SLIT3: variants seen among roughly 807,000 people sequenced by gnomAD.
SLIT3 encodes slit homolog 3 protein.
A neutral mutation model predicts 184.0 loss-of-function variants in SLIT3; 68 were observed. That is an observed-to-expected ratio of 0.37 (90% CI 0.30 to 0.45). The LOEUF (loss-of-function observed/expected upper bound fraction) is 0.45, where lower values mean the gene tolerates loss of function less well. SLIT3 is among the 20% of genes least tolerant of loss of function. The pLI, the probability that SLIT3 is intolerant of heterozygous loss-of-function variation, is 1.00. For synonymous variants in SLIT3, 831 were observed against 828.6 expected (o/e 1.00, Z -0.05); for missense variants, 1,707 against 2,026.0 (o/e 0.84, Z 3.02).
chr5:169,207,603 C>T (rs1010923247), intron 3 of SLIT3, among the ~76,000 whole-genome samples: 2 of 152,192 alleles, frequency 1.3e-5, no homozygotes, highest in African/African-American at 4.8e-5. Flanking sequence ...TCAAACTCAG[C>T]TTAGGCTTAA....
chr5:169,004,129 C>T (rs538838210), intron 4 of SLIT3, among the ~76,000 whole-genome samples: 18 of 152,016 alleles, frequency 1.2e-4, no homozygotes, highest in Middle Eastern at 3.4e-3. Flanking sequence ...ATTGAAAGGA[C>T]TTTTGGCTAG....
At chr5:169,003,757 G>T (rs1755806965) in intron 4 of SLIT3, among the ~76,000 whole-genome samples, 1 of 152,212 alleles carries the variant, frequency 6.6e-6, no homozygotes, top group Non-Finnish European at 1.5e-5. Context: ...CTTCTTGCCA[G>T]ATATAACAAG....
In SLIT3 at chr5:169,194,872, C is replaced by T. The variant is rs1763689491; in HGVS notation, c.342-1322G>A. ...ATCATTATGATCTCCATGAAGGCTG[C>T]TTTCTTCGGAGCACTGGGCCAAGAG... On this transcript the variant is annotated intron_variant, in intron 3 of 35. Coordinates refer to ENST00000519560, the MANE Select transcript of SLIT3 (RefSeq NM_003062.4). 2.6e-5 allele frequency among the ~76,000 whole-genome samples: 4 copies of T among 152,184 alleles called. No individual in the cohort carries two copies. The South Asian group carries it at 8.3e-4, about 31-fold the overall frequency.
intron 4 of SLIT3, among the ~76,000 whole-genome samples, chr5:169,031,958 A>T (rs1048964514): frequency 1.3e-5 from 2 of 152,212 alleles, no homozygotes; most frequent in African/African-American, 4.8e-5. Context: ...GACAAGACTT[A>T]GAAGAGTAAG....
At chr5:168,931,618 G>T (rs1356131227) in intron 4 of SLIT3, among the ~76,000 whole-genome samples, 1 of 152,208 alleles carries the variant, frequency 6.6e-6, no homozygotes, top group African/African-American at 2.4e-5. Context: ...ACGATGAGGG[G>T]ATAGGACCTA....
chr5:168,806,494 T>A lies in SLIT3; in HGVS notation c.887A>T (p.Lys296Met). Residue 296 changes from lysine (K) to methionine (M), a missense_variant, in exon 9 of 36, where the codon AAG becomes ATG. By Grantham distance (95) the Lys-to-Met change is moderately conservative. Around this residue, in one of 3 missense-constraint regions of SLIT3, gnomAD observed 1,307 missense variants for 1,511.6 expected, o/e 0.86. Coordinates refer to ENST00000519560, the MANE Select transcript of SLIT3 (RefSeq NM_003062.4). Reference protein sequence around the residue: ...CSNNIVDCRGKGLMEIPANLP... With the variant: ...CSNNIVDCRGMGLMEIPANLP... The stretch of plus-strand genomic sequence containing the variant: ...GTTGGCAGGAATCTCCATCAAGCCC[T>A]TTCCTCGACAGTCCACGATGTTATT... 1.9e-6 allele frequency: 3 copies of A among 1,614,172 alleles called. No individual in the cohort carries two copies. The highest frequency in any genetic ancestry group is 2.5e-6 in the Non-Finnish European group (3 of 1,180,018).
At chr5:169,207,713 T>C (rs951376508) in intron 3 of SLIT3, among the ~76,000 whole-genome samples, 3 of 152,228 alleles carry the variant, frequency 2.0e-5, no homozygotes, top group Non-Finnish European at 4.4e-5. Flanking sequence ...CAAATGTTTC[T>C]GTCCTTCCCC....
chr5:168,989,077 A>G (rs1363421383), intron 4 of SLIT3, among the ~76,000 whole-genome samples: 2 of 152,248 alleles, frequency 1.3e-5, no homozygotes, highest in Admixed American at 6.5e-5. Flanking sequence ...GAATTCAAGT[A>G]TTTTATTAGA....
At chr5:169,179,751 A>G (rs1392780353) in intron 4 of SLIT3, among the ~76,000 whole-genome samples, 2 of 152,100 alleles carry the variant, frequency 1.3e-5, no homozygotes, top group African/African-American at 4.8e-5. Flanking sequence ...TTGCAGGGCA[A>G]TGAGGAGAGA....
chr5:169,299,813 C>T (rs1767626090), intron 1 of SLIT3, among the ~76,000 whole-genome samples: 1 of 152,210 alleles, frequency 6.6e-6, no homozygotes, highest in South Asian at 2.1e-4. Context: ...AAGATTATAA[C>T]GCTCGGTCTC....
At chr5:169,050,988 C>A (rs1250982615) in intron 4 of SLIT3, among the ~76,000 whole-genome samples, 1 of 152,194 alleles carries the variant, frequency 6.6e-6, no homozygotes, top group Non-Finnish European at 1.5e-5. Context: ...CTCTTACTGG[C>A]TTTTGTTTTA....
chr5:168,716,622 G>T (rs1400010730), intron 23 of SLIT3, among the ~76,000 whole-genome samples: 1 of 152,262 alleles, frequency 6.6e-6, no homozygotes, highest in Admixed American at 6.5e-5. Flanking sequence ...GGTGAGTCCT[G>T]TGACCTGATT....
At chr5:169,192,423 C>CTGTG (rs3038088) in intron 4 of SLIT3, among the ~76,000 whole-genome samples, 3,786 of 148,246 alleles carry the variant, frequency 0.026, 82 homozygotes, top group Admixed American at 0.078. Context: ...TATATAGTCT[C>CTGTG]TGTGTGTGTG....
chr5:168,851,335 A>AAAAAC, intron 5 of SLIT3, among the ~76,000 whole-genome samples: 1 of 151,888 alleles, frequency 6.6e-6, no homozygotes, highest in Admixed American at 6.6e-5. Flanking sequence ...AAAAAAAAAA[A>AAAAAC]AAAAGATAGT....
At chr5:169,107,931 G>A (rs766820975) in intron 4 of SLIT3, among the ~76,000 whole-genome samples, 1 of 152,208 alleles carries the variant, frequency 6.6e-6, no homozygotes, top group Non-Finnish European at 1.5e-5. Flanking sequence ...TGATCGGGCT[G>A]AGATGCCTCC....
intron 4 of SLIT3, among the ~76,000 whole-genome samples, chr5:168,901,066 T>C (rs1226253946): frequency 6.6e-6 from 1 of 152,094 alleles, no homozygotes; most frequent in Non-Finnish European, 1.5e-5. Flanking sequence ...GATGTGTGCA[T>C]GTAACAAAAT....
intron 4 of SLIT3, among the ~76,000 whole-genome samples, chr5:169,111,625 G>A (rs1029106306): frequency 5.3e-5 from 8 of 152,108 alleles, no homozygotes; most frequent in Non-Finnish European, 8.8e-5. Context: ...GGTGGCAAAC[G>A]CCTGTAATCC....
At chr5:168,753,369 G>A (rs572271505) in intron 17 of SLIT3, among the ~76,000 whole-genome samples, 1 of 152,340 alleles carries the variant, frequency 6.6e-6, no homozygotes, top group South Asian at 2.1e-4. Flanking sequence ...TTGTGTGGCT[G>A]CTAGGGTGTG....
chr5:169,299,854 C>T (rs1238975813), intron 1 of SLIT3, among the ~76,000 whole-genome samples: 5 of 152,086 alleles, frequency 3.3e-5, no homozygotes, highest in Non-Finnish European at 7.4e-5. Context: ...TTCCATTCTC[C>T]GGCCCCTTCG....
Sources: allele counts gnomAD v4.1 joint callset (sites outside exome capture counted in the v4.1 genomes callset), GRCh38; gene constraint gnomAD v4.1.1; regional missense constraint gnomAD v4.1.1; transcripts MANE v1.5; gene names NCBI Gene and HGNC (gene_info 2026-07-23, HGNC 2026-07-21).